The following CEP15 variants were observed in gnomAD, a reference collection of about 807,000 sequenced individuals.
CEP15 encodes the protein centrosomal protein 15 kDa.
the CEP15 span, among the ~76,000 whole-genome samples, chr3:62,321,756 T>TA: frequency 2.0e-5 from 3 of 152,218 alleles, no homozygotes; most frequent in Non-Finnish European, 4.4e-5. The surrounding 1 kb of genome is among the most constrained non-coding windows in gnomAD (Gnocchi z 4.1). Flanking sequence ...ACTTAAGACT[T>TA]ATTGAACTAC....
the CEP15 span, chr3:62,334,945 A>G: frequency 2.0e-5 from 3 of 151,988 alleles, no homozygotes; most frequent in East Asian, 1.9e-4. This position sits in a 1 kb window ranked among gnomAD's most constrained non-coding sequence, Gnocchi z 4.9. Flanking sequence ...TTAACATCCA[A>G]TCTTTCCCAG....
chr3:62,333,613 C>T, the CEP15 span: 73 of 342,896 alleles, frequency 2.1e-4, no homozygotes, highest in Admixed American at 7.2e-4. The surrounding 1 kb of genome is among the most constrained non-coding windows in gnomAD (Gnocchi z 4.0). Context: ...GTGTTAAACA[C>T]GAATATTAAA....
chr3:62,333,320 A>C, the CEP15 span: 1 of 1,611,808 alleles, frequency 6.2e-7, no homozygotes, highest in Non-Finnish European at 8.5e-7. This position sits in a 1 kb window ranked among gnomAD's most constrained non-coding sequence, Gnocchi z 4.0. Flanking sequence ...TAGGAAGAGC[A>C]CCATATCCTT....
chr3:62,321,219 A>G, the CEP15 span, among the ~76,000 whole-genome samples: 1 of 152,192 alleles, frequency 6.6e-6, no homozygotes, highest in African/African-American at 2.4e-5. This position sits in a 1 kb window ranked among gnomAD's most constrained non-coding sequence, Gnocchi z 4.1. Context: ...TTGTCCTAAA[A>G]AGAACAAAAA....
chr3:62,327,643 C>T, the CEP15 span, among the ~76,000 whole-genome samples: 9 of 152,162 alleles, frequency 5.9e-5, no homozygotes, highest in Non-Finnish European at 1.2e-4. Context: ...TATTCAAATT[C>T]TTTTATTCCT....
At chr3:62,332,514 C>G in the CEP15 span, among the ~76,000 whole-genome samples, 1 of 152,004 alleles carries the variant, frequency 6.6e-6, no homozygotes, top group African/African-American at 2.4e-5. Context: ...CAGTTTAGTT[C>G]TCTTTGACCT....
At chr3:62,323,669 G>T in the CEP15 span, among the ~76,000 whole-genome samples, 1 of 152,190 alleles carries the variant, frequency 6.6e-6, no homozygotes, top group Non-Finnish European at 1.5e-5. Context: ...ACAGTGTTCA[G>T]AAGGGTAGCT....
At chr3:62,328,571 G>T in the CEP15 span, among the ~76,000 whole-genome samples, 1 of 152,110 alleles carries the variant, frequency 6.6e-6, no homozygotes, top group East Asian at 1.9e-4. Context: ...TGTTCTAGTG[G>T]CAAGTCTATA....
the CEP15 span, among the ~76,000 whole-genome samples, chr3:62,328,068 C>G: frequency 6.6e-6 from 1 of 152,102 alleles, no homozygotes; most frequent in Non-Finnish European, 1.5e-5. Context: ...GGCCATTGCT[C>G]CAAGAAGCCC....
chr3:62,333,472 A>T, the CEP15 span: 1 of 1,443,402 alleles, frequency 6.9e-7, no homozygotes, highest in Non-Finnish European at 9.3e-7. The surrounding 1 kb of genome is among the most constrained non-coding windows in gnomAD (Gnocchi z 4.0). Context: ...AACTTTAGGA[A>T]TTAAATATGT....
chr3:62,327,058 A>G, the CEP15 span, among the ~76,000 whole-genome samples: 3 of 152,164 alleles, frequency 2.0e-5, no homozygotes, highest in Non-Finnish European at 4.4e-5. Context: ...TAAGTCTCTA[A>G]AAGTATCCCC....
the CEP15 span, among the ~76,000 whole-genome samples, chr3:62,325,554 G>C: frequency 2.0e-5 from 3 of 152,230 alleles, no homozygotes; most frequent in Admixed American, 6.5e-5. Context: ...GAAAACACAG[G>C]GTGGGTGATT....
the CEP15 span, chr3:62,320,492 A>G: frequency 6.2e-7 from 1 of 1,612,382 alleles, no homozygotes; most frequent in Non-Finnish European, 8.5e-7. Context: ...TGTTTGCTCA[A>G]GAAATTCGCC....
chr3:62,319,225 C>G, the CEP15 span: 1 of 152,578 alleles, frequency 6.6e-6, no homozygotes, highest in African/African-American at 2.4e-5. Flanking sequence ...GCAGATGACT[C>G]TGAGAAGGTG....
chr3:62,319,356 GC>G, the CEP15 span: 2 of 152,218 alleles, frequency 1.3e-5, no homozygotes, highest in Non-Finnish European at 2.9e-5. Context: ...GCATTAATTG[GC>G]CTCGTTGCAA....
chr3:62,328,937 C>T, the CEP15 span, among the ~76,000 whole-genome samples: 4 of 146,824 alleles, frequency 2.7e-5, no homozygotes, highest in Admixed American at 6.8e-5. Flanking sequence ...AAGGAATTCA[C>T]ACTTCGTCCT....
the CEP15 span, among the ~76,000 whole-genome samples, chr3:62,330,737 A>T: frequency 2.0e-5 from 3 of 152,208 alleles, no homozygotes; most frequent in Non-Finnish European, 1.5e-5. Flanking sequence ...TCTAGACAGT[A>T]TAATGAAAAG....
the CEP15 span, chr3:62,331,313 T>C: frequency 6.2e-7 from 1 of 1,611,812 alleles, no homozygotes. Flanking sequence ...AAAATGCCGA[T>C]ATCTGTTACA....
the CEP15 span, chr3:62,333,218 T>C: frequency 8.1e-6 from 13 of 1,601,118 alleles, no homozygotes; most frequent in Non-Finnish European, 1.1e-5. The surrounding 1 kb of genome is among the most constrained non-coding windows in gnomAD (Gnocchi z 4.0). Flanking sequence ...GTTCAATTGC[T>C]TGATATGCTT....
Sources: gnomAD v4.1 joint callset for allele counts (sites outside exome capture counted in the v4.1 genomes callset) on GRCh38, gnomAD v4.1.1 for gene constraint, Gnocchi (gnomAD v3.1) non-coding constraint, MANE v1.5 for transcripts, NCBI Gene and HGNC (gene_info 2026-07-23, HGNC 2026-07-21) for gene names.